STRBP: variants seen among roughly 807,000 people sequenced by gnomAD.
STRBP encodes spermatid perinuclear RNA binding protein.
STRBP carries 13 observed loss-of-function variants against 80.1 expected under a neutral mutation model. That is an observed-to-expected ratio of 0.16 (90% CI 0.11 to 0.26). STRBP has a LOEUF of 0.26. STRBP is among the 10% of genes least tolerant of loss of function. The pLI is 1.00. For synonymous variants in STRBP, 284 were observed against 291.2 expected (o/e 0.98, Z 0.25); for missense variants, 485 against 815.2 (o/e 0.59, Z 4.93).
chr9:123,231,615 C>T (rs1234188943), intron 2 of STRBP, among the ~76,000 whole-genome samples: 5 of 152,164 alleles, frequency 3.3e-5, no homozygotes, highest in African/African-American at 1.2e-4. Flanking sequence ...TCCCCTTCTC[C>T]TGACATCAAA....
intron 4 of STRBP, among the ~76,000 whole-genome samples, chr9:123,176,892 C>A (rs1162869104): frequency 5.3e-5 from 8 of 152,086 alleles, no homozygotes; most frequent in Non-Finnish European, 1.0e-4. Flanking sequence ...TATTGTAGGA[C>A]CTTGTATAAG....
In STRBP at chr9:123,166,651, G is replaced by A; in HGVS notation, c.535+3251C>T. 1.3e-5 allele frequency among the ~76,000 whole-genome samples: 2 copies of A among 152,068 alleles called. 1 individual carries two copies. Among genetic ancestry groups the A allele is most frequent in the South Asian group, 4.1e-4 (2 of 4,828 alleles). ...CACCTGTAGTCCCAGCTACTCAGGG[G>A]GCTGAGGCACGAGAATTGCTTGAAC... On this transcript the variant is annotated intron_variant, in intron 6 of 18. Coordinates refer to ENST00000348403, the MANE Select transcript of STRBP (RefSeq NM_018387.5).
At chr9:123,228,336 T>C (rs1280478932) in intron 2 of STRBP, among the ~76,000 whole-genome samples, 1 of 152,160 alleles carries the variant, frequency 6.6e-6, no homozygotes, top group Non-Finnish European at 1.5e-5. Flanking sequence ...AGTTCAAGGA[T>C]AGTACTTAAA....
intron 4 of STRBP, 123 bp downstream of exon 4, chr9:123,178,884 T>A (rs571976893): frequency 2.0e-5 from 15 of 761,490 alleles, no homozygotes; most frequent in South Asian, 8.6e-5. Flanking sequence ...ACTTCCTTGG[T>A]TATAGTCTCA....
At chr9:123,165,315 C>T (rs1411761831) in intron 6 of STRBP, among the ~76,000 whole-genome samples, 2 of 149,658 alleles carry the variant, frequency 1.3e-5, no homozygotes, top group Admixed American at 1.3e-4. Flanking sequence ...CCCTGGATAA[C>T]GTAGATCCAG....
chr9:123,148,329 G>A (rs1348929182), intron 11 of STRBP, among the ~76,000 whole-genome samples: 1 of 152,170 alleles, frequency 6.6e-6, no homozygotes, highest in Non-Finnish European at 1.5e-5. Context: ...TATGAGCAAT[G>A]AGCCCTCACG....
intron 1 of STRBP, among the ~76,000 whole-genome samples, chr9:123,243,321 A>G (rs2040737753): frequency 6.6e-6 from 1 of 151,790 alleles, no homozygotes; most frequent in Admixed American, 6.6e-5. Context: ...CACACCTTAC[A>G]CAAAACCTAA....
chr9:123,205,918 G>A (rs1033399609), intron 2 of STRBP, among the ~76,000 whole-genome samples: 15 of 152,150 alleles, frequency 9.9e-5, no homozygotes, highest in African/African-American at 3.6e-4. Flanking sequence ...CACAAGATTA[G>A]TACTACTGAT....
chr9:123,212,080 C>T (rs1219467351), intron 2 of STRBP, among the ~76,000 whole-genome samples: 3 of 152,162 alleles, frequency 2.0e-5, no homozygotes, highest in African/African-American at 7.2e-5. Flanking sequence ...AAATGCAAAA[C>T]TTCTTCCTTA....
intron 1 of STRBP, among the ~76,000 whole-genome samples, chr9:123,259,427 C>A (rs1192342067): frequency 6.6e-6 from 1 of 152,198 alleles, no homozygotes; most frequent in Non-Finnish European, 1.5e-5. Context: ...TGAGAGTCAG[C>A]CAGGCGCAAT....
chr9:123,134,578 A>G (rs1396313573), intron 16 of STRBP, among the ~76,000 whole-genome samples: 1 of 152,212 alleles, frequency 6.6e-6, no homozygotes, highest in East Asian at 1.9e-4. Flanking sequence ...ATAGTATGGA[A>G]AATTTCTAAA....
At chr9:123,183,404 T>C (rs546239945) in intron 3 of STRBP, among the ~76,000 whole-genome samples, 4 of 151,624 alleles carry the variant, frequency 2.6e-5, no homozygotes, top group Admixed American at 1.3e-4. Flanking sequence ...GCCATTGCAT[T>C]CCAGCCCGGG....
chr9:123,138,987 T>A (rs1415890430), intron 14 of STRBP, among the ~76,000 whole-genome samples: 1 of 152,236 alleles, frequency 6.6e-6, no homozygotes, highest in East Asian at 1.9e-4. Flanking sequence ...TACTTGGATT[T>A]CATCCCATTC....
chr9:123,211,326 A>G (rs940877975), intron 2 of STRBP, among the ~76,000 whole-genome samples: 1 of 152,228 alleles, frequency 6.6e-6, no homozygotes, highest in Non-Finnish European at 1.5e-5. Flanking sequence ...ACCAAAATAA[A>G]AAAGTATTCC....
chr9:123,116,231 CAT>C (rs1393653954), intron 2 of STRBP: 5 of 372,742 alleles, frequency 1.3e-5, no homozygotes, highest in Non-Finnish European at 2.1e-5. Flanking sequence ...GGTTAGAGCA[CAT>C]GTTTGAAGGC....
intron 11 of STRBP, among the ~76,000 whole-genome samples, chr9:123,152,158 C>G (rs1441372956): frequency 6.6e-6 from 1 of 152,138 alleles, no homozygotes; most frequent in African/African-American, 2.4e-5. Context: ...TAATTTAAAA[C>G]ATTTCCACAA....
In STRBP at chr9:123,136,765, C is replaced by T. The variant is rs1029178710; in HGVS notation, c.1498-250G>A. ...AGTATTCAAGACCAATCAATGCAAC[C>T]TCACCACTGTGGGCCACTCCAGGCT... is the stretch of plus-strand genomic sequence containing the variant. On this transcript the variant is annotated intron_variant, in intron 14 of 18. Transcript: ENST00000348403. This position sits in a 1 kb window ranked among gnomAD's most constrained non-coding sequence, Gnocchi z 4.2. 6.6e-6 allele frequency among the ~76,000 whole-genome samples: 1 copy of T among 152,180 alleles called. No homozygotes were observed. Among genetic ancestry groups the T allele is most frequent in the East Asian group, 1.9e-4 (1 of 5,192 alleles).
chr9:123,133,068 C>T (rs1006558648), intron 16 of STRBP, 100 bp from the exon 17 acceptor site: 15 of 1,458,850 alleles, frequency 1.0e-5, no homozygotes, highest in Admixed American at 8.0e-5. Flanking sequence ...ACTGTGAGCA[C>T]GTGGGTGAGA....
chr9:123,174,411 G>A (rs1473945244), intron 4 of STRBP, among the ~76,000 whole-genome samples: 2 of 152,302 alleles, frequency 1.3e-5, no homozygotes, highest in East Asian at 1.9e-4. Flanking sequence ...GCACTCCAGC[G>A]TGGGTGACAG....
Sources: allele counts gnomAD v4.1 joint callset (sites outside exome capture counted in the v4.1 genomes callset), GRCh38; gene constraint gnomAD v4.1.1; non-coding constraint Gnocchi (gnomAD v3.1); transcripts MANE v1.5; gene names NCBI Gene and HGNC (gene_info 2026-07-23, HGNC 2026-07-21).